CDH5: variants seen among roughly 807,000 people sequenced by gnomAD.
CDH5 encodes the protein cadherin 5, also known as cadherin-5.
Under a neutral mutation model 62.0 loss-of-function variants are expected in CDH5, and 28 were observed. That is an observed-to-expected ratio of 0.45 (90% CI 0.33 to 0.62). The LOEUF (loss-of-function observed/expected upper bound fraction) is 0.62. Among genes scored for constraint, CDH5 ranks in the 20% least tolerant of loss-of-function variants. CDH5 has a pLI of 0.02. For missense variants in CDH5, 940 were observed against 1,065.1 expected (o/e 0.88, Z 1.63); for synonymous variants, 464 against 445.8 (o/e 1.04, Z -0.52).
At position 66,396,168 on chromosome 16, in the gene CDH5, C is replaced by T. The variant is rs376422392; in HGVS notation, c.1327C>T (p.Leu443=). ...LDREVYPWYN[L]TVEAKELDST... is the part of the protein sequence containing the mutation. ...CAGAGAAGTCTACCCCTGGTATAACCTGACTGTGGAGGCCAAAGAACTGGA... is the reference window on the plus strand; with the variant it reads ...CAGAGAAGTCTACCCCTGGTATAACTTGACTGTGGAGGCCAAAGAACTGGA... Residue 443 remains leucine (L), a synonymous_variant, in exon 8 of 12, where the codon CTG becomes TTG. Transcript: ENST00000341529. 9.2e-5 allele frequency: 149 copies of T among 1,614,060 alleles called. No homozygotes were observed. The highest frequency in any genetic ancestry group is 1.2e-4 in the Non-Finnish European group (142 of 1,180,016).
intron 11 of CDH5, 33 bp downstream of exon 11, chr16:66,401,049 G>A (rs747564711): frequency 1.2e-6 from 2 of 1,613,052 alleles, no homozygotes; most frequent in South Asian, 2.2e-5. Flanking sequence ...AGAAGACACA[G>A]TGGGTGGAAG....
intron 2 of CDH5, 89 bp from the exon 3 acceptor site, chr16:66,386,720 G>A: frequency 8.3e-7 from 1 of 1,207,832 alleles, no homozygotes; most frequent in Non-Finnish European, 1.2e-6. Flanking sequence ...CACATGCACA[G>A]GCACACCTGT....
At chr16:66,372,202 G>T (rs1402509575) in intron 1 of CDH5, among the ~76,000 whole-genome samples, 1 of 152,196 alleles carries the variant, frequency 6.6e-6, no homozygotes, top group Non-Finnish European at 1.5e-5. Context: ...CAAAGCACAT[G>T]TCACAATTTC....
At position 66,366,726 on chromosome 16, in the gene CDH5, CG is replaced by C. The variant is rs2142296701; in HGVS notation, c.-50del. On this transcript the variant is annotated 5_prime_UTR_variant, in exon 1 of 12. Coordinates refer to ENST00000341529, the MANE Select transcript of CDH5 (RefSeq NM_001795.5). ...AGCCCTGGACGGACAGGCAGTCCAA[CG>C]GAACAGAAACATCCCTCAGCCCACA... 1 of 152,444 alleles carries C rather than the reference CG, an allele frequency of 6.6e-6. No individual in the cohort carries two copies. The highest frequency in any genetic ancestry group is 2.1e-4 in the South Asian group (1 of 4,828). 9.4% of individuals were successfully genotyped at this position (152,444 alleles called of 1,614,324 possible). A position where few individuals can be genotyped will look rare whatever the true frequency, so the allele number is the denominator to read the frequency against.
chr16:66,385,304 T>C (rs939369068), intron 2 of CDH5, among the ~76,000 whole-genome samples: 1 of 152,250 alleles, frequency 6.6e-6, no homozygotes, highest in African/African-American at 2.4e-5. Context: ...TATAGAACCC[T>C]GTTTGGTGTA....
At chr16:66,380,663 A>G (rs1057426479) in intron 2 of CDH5, among the ~76,000 whole-genome samples, 2 of 150,768 alleles carry the variant, frequency 1.3e-5, no homozygotes, top group African/African-American at 4.9e-5. Flanking sequence ...GGTGGTGATG[A>G]TGGAAGTGAT....
intron 8 of CDH5, among the ~76,000 whole-genome samples, chr16:66,396,580 A>G (rs1386307190): frequency 7.2e-6 from 1 of 138,922 alleles, no homozygotes; most frequent in African/African-American, 2.7e-5. Flanking sequence ...AGAGATGTGC[A>G]TTTAACAAGG....
intron 1 of CDH5, among the ~76,000 whole-genome samples, chr16:66,368,045 T>G (rs547025095): frequency 6.6e-6 from 1 of 152,118 alleles, no homozygotes; most frequent in Non-Finnish European, 1.5e-5. Flanking sequence ...GGGGTGCAAG[T>G]GAGAGGACAT....
At chr16:66,389,721 G>GC (rs1961049913) in intron 5 of CDH5, among the ~76,000 whole-genome samples, 199 bp downstream of exon 5, 4 of 152,130 alleles carry the variant, frequency 2.6e-5, no homozygotes, top group African/African-American at 9.6e-5. Flanking sequence ...CCATCCTGCC[G>GC]CCCCCTGCCA....
intron 2 of CDH5, among the ~76,000 whole-genome samples, chr16:66,381,732 C>G (rs1960902284): frequency 1.3e-5 from 2 of 152,278 alleles, no homozygotes; most frequent in South Asian, 4.2e-4. Flanking sequence ...CAGCAAACTA[C>G]CCCCTGCGGG....
intron 2 of CDH5, among the ~76,000 whole-genome samples, chr16:66,382,282 CA>C (rs1326406090): frequency 6.6e-6 from 1 of 152,226 alleles, no homozygotes; most frequent in Non-Finnish European, 1.5e-5. Context: ...GCCCCACCCA[CA>C]ACCAGCTGGC....
chr16:66,381,278 C>T (rs1479623663), intron 2 of CDH5, among the ~76,000 whole-genome samples: 1 of 152,206 alleles, frequency 6.6e-6, no homozygotes, highest in Non-Finnish European at 1.5e-5. Flanking sequence ...CCAAGCCTGC[C>T]CTCCAGGGCA....
At chr16:66,398,240 A>C (rs1961221734) in intron 9 of CDH5, 134 bp downstream of exon 9, 2 of 1,108,588 alleles carry the variant, frequency 1.8e-6, no homozygotes, top group Admixed American at 3.7e-5. Context: ...CCCATTTTAC[A>C]GATGGAGAAA....
At chr16:66,402,605 A>G in intron 11 of CDH5, 47 bp from the exon 12 acceptor site, 1 of 1,474,820 alleles carries the variant, frequency 6.8e-7, no homozygotes, top group Middle Eastern at 2.5e-4. Flanking sequence ...GGGGCCGCCC[A>G]GGCCCCCAGC....
chr16:66,369,217 C>T (rs571575388), intron 1 of CDH5, among the ~76,000 whole-genome samples: 162 of 152,242 alleles, frequency 1.1e-3, no homozygotes, highest in African/African-American at 3.8e-3. Flanking sequence ...GCAGGCCGGG[C>T]TGGTGGTGAA....
intron 2 of CDH5, 140 bp downstream of exon 2, chr16:66,379,687 GGTAGCAAT>G: frequency 1.4e-6 from 1 of 707,576 alleles, no homozygotes; most frequent in Non-Finnish European, 2.4e-6. Context: ...GGGTGAAGGT[GGTAGCAAT>G]AGTGGTAGAG....
Position 66,403,323 on chromosome 16 carries a change from A to C in CDH5, c.*154A>C, listed in dbSNP as rs1961332958. The C allele has an allele frequency of 6.3e-6, 4 of 639,732 alleles. No homozygotes were observed. Among genetic ancestry groups the C allele is most frequent in the Non-Finnish European group, 1.1e-5 (4 of 372,694 alleles). The allele number at this position is 639,732 out of a possible 1,614,324, so 39.6% of individuals were successfully genotyped here. On this transcript the variant is annotated 3_prime_UTR_variant, in exon 12 of 12. Coordinates refer to ENST00000341529, the MANE Select transcript of CDH5 (RefSeq NM_001795.5). The surrounding 1 kb of genome is among the most constrained non-coding windows in gnomAD (Gnocchi z 4.3). ...GAGACCTCATCAGCCTTGGGATAGCAAACTCCAGGTTCCTGAAATATCCAG... is the reference window on the plus strand; with the variant it reads ...GAGACCTCATCAGCCTTGGGATAGCCAACTCCAGGTTCCTGAAATATCCAG...
chr16:66,379,731 T>C (rs1960853302), intron 2 of CDH5, among the ~76,000 whole-genome samples, 184 bp downstream of exon 2: 1 of 152,028 alleles, frequency 6.6e-6, no homozygotes, highest in Non-Finnish European at 1.5e-5. Flanking sequence ...GTAGTGGTGG[T>C]AATGGTAGCA....
At chr16:66,369,386 C>T (rs1478147249) in intron 1 of CDH5, among the ~76,000 whole-genome samples, 1 of 152,178 alleles carries the variant, frequency 6.6e-6, no homozygotes, top group African/African-American at 2.4e-5. Flanking sequence ...TTACTGAGCA[C>T]CTACTGTGTG....
Sources: allele counts gnomAD v4.1 joint callset (sites outside exome capture counted in the v4.1 genomes callset), GRCh38; gene constraint gnomAD v4.1.1; non-coding constraint Gnocchi (gnomAD v3.1); transcripts MANE v1.5; gene names NCBI Gene and HGNC (gene_info 2026-07-23, HGNC 2026-07-21).